MTSS1: variants seen among roughly 807,000 people sequenced by gnomAD.
MTSS1 encodes the protein protein MTSS 1.
A neutral mutation model predicts 79.0 loss-of-function variants in MTSS1; 18 were observed. The observed-to-expected ratio is 0.23, with a 90% CI of 0.16 to 0.34. The LOEUF (loss-of-function observed/expected upper bound fraction) is 0.34, where lower values mean the gene tolerates loss of function less well. Among genes scored for constraint, MTSS1 ranks in the 10% least tolerant of loss-of-function variants. The pLI is 1.00. For synonymous variants in MTSS1, 341 were observed against 368.6 expected (o/e 0.93, Z 0.86); for missense variants, 815 against 986.2 (o/e 0.83, Z 2.33).
chr8:124,704,276 C>T, intron 1 of MTSS1, 85 bp from the exon 2 acceptor site: 1 of 1,170,280 alleles, frequency 8.5e-7, no homozygotes. Flanking sequence ...TCCAATCATG[C>T]AGGGAACAAT....
intron 1 of MTSS1, among the ~76,000 whole-genome samples, chr8:124,717,689 C>G (rs1316088588): frequency 1.3e-5 from 2 of 152,144 alleles, no homozygotes; most frequent in Non-Finnish European, 1.5e-5. Context: ...GAGCAAGACT[C>G]CATCTCAAAA....
chr8:124,564,797 C>T (rs941262960), intron 9 of MTSS1: 3 of 151,938 alleles, frequency 2.0e-5, no homozygotes, highest in African/African-American at 7.3e-5. Context: ...GTCTGAACTT[C>T]CTGCTAAGTG....
intron 3 of MTSS1, among the ~76,000 whole-genome samples, chr8:124,617,372 C>T (rs1442160289): frequency 6.6e-6 from 1 of 152,150 alleles, no homozygotes; most frequent in Non-Finnish European, 1.5e-5. Flanking sequence ...GACGTGGTGG[C>T]CCAAAGGCCT....
At chr8:124,559,735 A>G (rs563780656) in intron 10 of MTSS1, among the ~76,000 whole-genome samples, 5 of 152,186 alleles carry the variant, frequency 3.3e-5, no homozygotes, top group Non-Finnish European at 7.3e-5. Context: ...AACATAATGA[A>G]TGAGTGACAA....
chr8:124,657,110 G>T (rs191960465), intron 3 of MTSS1, among the ~76,000 whole-genome samples: 14 of 152,366 alleles, frequency 9.2e-5, no homozygotes, highest in Admixed American at 5.9e-4. Flanking sequence ...AATTTTGTTA[G>T]AAGTGGTAAT....
chr8:124,682,817 A>G (rs963059767), intron 3 of MTSS1, among the ~76,000 whole-genome samples: 1 of 152,246 alleles, frequency 6.6e-6, no homozygotes. Context: ...ACATATGACA[A>G]TGATGGAATA....
At chr8:124,622,793 CAA>C (rs11403789) in intron 3 of MTSS1, among the ~76,000 whole-genome samples, 4 of 120,558 alleles carry the variant, frequency 3.3e-5, no homozygotes, top group Non-Finnish European at 1.8e-5. Context: ...GAGTCCATCT[CAA>C]AAAAAAAAAA....
intron 3 of MTSS1, among the ~76,000 whole-genome samples, chr8:124,593,046 C>T (rs1291292839): frequency 6.6e-6 from 1 of 152,212 alleles, no homozygotes; most frequent in Non-Finnish European, 1.5e-5. Context: ...TACCTGCCTC[C>T]AAAGAGCAGG....
At chr8:124,667,640 G>T (rs181362017) in intron 3 of MTSS1, among the ~76,000 whole-genome samples, 5 of 151,434 alleles carry the variant, frequency 3.3e-5, no homozygotes, top group Non-Finnish European at 7.4e-5. Flanking sequence ...GCGAAACTCC[G>T]TCTCAAAAAA....
At chr8:124,703,066 G>A (rs898494868) in intron 2 of MTSS1, among the ~76,000 whole-genome samples, 2 of 152,182 alleles carry the variant, frequency 1.3e-5, no homozygotes, top group East Asian at 1.9e-4. Flanking sequence ...TTCAGGGTAT[G>A]AGTCAATGAT....
intron 3 of MTSS1, among the ~76,000 whole-genome samples, chr8:124,676,739 G>A (rs1825359501): frequency 6.6e-6 from 1 of 152,058 alleles, no homozygotes; most frequent in Non-Finnish European, 1.5e-5. Context: ...CCAAGGTTTG[G>A]GGCTTCAAAT....
chr8:124,609,448 C>T (rs1835405970), intron 3 of MTSS1, among the ~76,000 whole-genome samples: 1 of 152,226 alleles, frequency 6.6e-6, no homozygotes, highest in Non-Finnish European at 1.5e-5. Context: ...CTGCTCCTAT[C>T]TTTCCCATGT....
At chr8:124,670,362 C>T (rs73345805) in intron 3 of MTSS1, among the ~76,000 whole-genome samples, 1 of 151,734 alleles carries the variant, frequency 6.6e-6, no homozygotes. Context: ...AAGGAGATTA[C>T]ACTCAGGCGG....
At chr8:124,687,220 A>G (rs1171915475) in intron 3 of MTSS1, among the ~76,000 whole-genome samples, 1 of 152,198 alleles carries the variant, frequency 6.6e-6, no homozygotes, top group Non-Finnish European at 1.5e-5. Context: ...GCAGGAGTCC[A>G]TATGCCTGCA....
At chr8:124,558,584 C>A in intron 10 of MTSS1, 7 of 1,297,908 alleles carry the variant, frequency 5.4e-6, no homozygotes, top group Non-Finnish European at 7.1e-6. Flanking sequence ...ACCCTCTGTC[C>A]CCAAGAGGAG....
At chr8:124,679,186 A>C (rs1456649008) in intron 3 of MTSS1, among the ~76,000 whole-genome samples, 1 of 152,254 alleles carries the variant, frequency 6.6e-6, no homozygotes, top group Non-Finnish European at 1.5e-5. Flanking sequence ...TAGTGCTGGC[A>C]TCTCAACTTG....
intron 1 of MTSS1, among the ~76,000 whole-genome samples, chr8:124,720,331 T>C (rs994633765): frequency 2.0e-5 from 3 of 152,158 alleles, no homozygotes; most frequent in African/African-American, 7.2e-5. Flanking sequence ...ATTCGGCCCA[T>C]GGGAAGAACC....
intron 3 of MTSS1, among the ~76,000 whole-genome samples, chr8:124,595,130 T>A: frequency 6.6e-6 from 1 of 152,190 alleles, no homozygotes; most frequent in East Asian, 1.9e-4. Context: ...GACCAGGGAC[T>A]GGGTTTGTAT....
chr8:124,721,411 AT>A lies in MTSS1; in HGVS notation c.72+6472del, dbSNP rs71289689. 1.4e-3 allele frequency among the ~76,000 whole-genome samples: 175 copies of A among 127,216 alleles called. 1 individual carries two copies. The highest frequency in any genetic ancestry group is 4.0e-3 in the African/African-American group (132 of 33,212). 83.5% of individuals were successfully genotyped at this position (127,216 alleles called of 152,430 possible). A position where few individuals can be genotyped will look rare whatever the true frequency, so the allele number is the denominator to read the frequency against. ...TTATTTACTTTAACATTTAACTCTA[AT>A]TTTTTTTTTTTTTTTTGAGACAGAG... On this transcript the variant is annotated intron_variant, in intron 1 of 13. Transcript: ENST00000518547.
Sources: gnomAD v4.1 joint callset for allele counts (sites outside exome capture counted in the v4.1 genomes callset) on GRCh38, gnomAD v4.1.1 for gene constraint, MANE v1.5 for transcripts, NCBI Gene and HGNC (gene_info 2026-07-23, HGNC 2026-07-21) for gene names.